Variants in BAG3 observed in about 807,000 individuals in gnomAD.
BAG3 encodes the protein BAG family molecular chaperone regulator 3.
In BAG3, 14 loss-of-function variants were observed where a neutral mutation model predicts 40.5. The ratio of observed to expected loss-of-function variants is 0.35; its 90% CI spans 0.23 to 0.54. BAG3 has a LOEUF of 0.54. BAG3 is among the 20% of genes least tolerant of loss of function. BAG3 has a pLI of 0.91. For synonymous variants in BAG3, 302 were observed against 307.8 expected, an observed-to-expected ratio of 0.98 and a Z score of 0.20; for missense variants, 788 against 758.6, an observed-to-expected ratio of 1.04 and a Z score of -0.46.
intron 3 of BAG3, among the ~76,000 whole-genome samples, chr10:119,675,148 A>G (rs1847202149): frequency 1.3e-5 from 2 of 152,236 alleles, no homozygotes; most frequent in Admixed American, 1.3e-4. Flanking sequence ...CCTGGGCAGC[A>G]TGGTGAAACC....
chr10:119,668,082 G>A (rs946721545), intron 1 of BAG3, among the ~76,000 whole-genome samples: 2 of 152,230 alleles, frequency 1.3e-5, no homozygotes, highest in African/African-American at 4.8e-5. Context: ...GCAGGCTAAT[G>A]TAATGCCGCC....
intron 1 of BAG3, among the ~76,000 whole-genome samples, chr10:119,656,381 T>C (rs927187229): frequency 1.3e-4 from 19 of 148,732 alleles, no homozygotes; most frequent in Admixed American, 8.7e-4. Context: ...TGGCCTTCTT[T>C]TTTTTTTTTT....
chr10:119,658,541 G>A (rs990120543), intron 1 of BAG3, among the ~76,000 whole-genome samples: 7 of 152,228 alleles, frequency 4.6e-5, no homozygotes, highest in African/African-American at 1.7e-4. Context: ...CCTCAGCCGA[G>A]CGTGGCTGGG....
rs1564776918 is a variant in BAG3 at position 119,677,006 on chromosome 10, C to T, written c.1452C>T (p.Val484=). 6.2e-7 allele frequency: 1 copy of T among 1,614,198 alleles called. No individual in the cohort carries two copies. Among genetic ancestry groups the T allele is most frequent in the Non-Finnish European group, 8.5e-7 (1 of 1,180,044 alleles). The stretch of plus-strand genomic sequence containing the variant: ...TGCGTCAGGCCAGGAGAGACGGTGT[C>T]AGGAAGGTTCAGACCATCTTGGAAA... ...ADVRQARRDG[V]RKVQTILEKL... is the part of the protein sequence containing the mutation. Residue 484 remains valine, a synonymous_variant, in exon 4 of 4, where the codon GTC becomes GTT. Transcript: ENST00000369085.
rs1847246196 is a variant in BAG3, at chr10:119,676,919, A to G, written c.1365A>G (p.Glu455=). 1.9e-6 allele frequency: 3 copies of G among 1,614,076 alleles called. No individual in the cohort carries two copies. Among genetic ancestry groups the G allele is most frequent in the Middle Eastern group, 1.6e-4 (1 of 6,084 alleles). The change falls in exon 4 of 4, where the codon GAA becomes GAG. Residue 455 remains glutamate (E), a synonymous_variant. Transcript: ENST00000369085. ...KKTDKKYLMI[E]EYLTKELLAL... is the part of the protein sequence containing the mutation. ...CTGACAAAAAGTACCTGATGATCGA[A>G]GAGTATTTGACCAAAGAGCTGCTGG...
In BAG3 at chr10:119,677,250, A is replaced by T. The variant is rs1589633145; in HGVS notation, c.1696A>T (p.Thr566Ser). The part of the protein sequence containing the change: ...AAATSNPSSM[T>S]DTPGNPAAP ...AGCGACTTCAAACCCCAGCAGCATG[A>T]CAGACACCCCTGGTAACCCAGCAGC... is the stretch of plus-strand genomic sequence containing the variant. Residue 566 changes from threonine (T) to serine (S), a missense_variant, in exon 4 of 4, where the codon ACA (threonine) becomes TCA (serine). Thr to Ser is a moderately conservative substitution (Grantham distance 58, BLOSUM62 1). Coordinates refer to ENST00000369085, the MANE Select transcript of BAG3 (RefSeq NM_004281.4). 2 of 1,614,112 alleles carry T rather than the reference A, an allele frequency of 1.2e-6. No individual in the cohort carries two copies. The highest frequency in any genetic ancestry group is 4.5e-5 in the East Asian group (2 of 44,888).
intron 1 of BAG3, among the ~76,000 whole-genome samples, chr10:119,668,138 A>G (rs1847092006): frequency 6.6e-6 from 1 of 152,208 alleles, no homozygotes; most frequent in East Asian, 1.9e-4. Flanking sequence ...CTGTCTGCCC[A>G]TGTCCCCAAG....
At chr10:119,667,267 G>A (rs372192513) in intron 1 of BAG3, among the ~76,000 whole-genome samples, 7 of 152,138 alleles carry the variant, frequency 4.6e-5, no homozygotes, top group Admixed American at 2.0e-4. Flanking sequence ...TTGAGCCACC[G>A]TGCCTGGCCC....
intron 1 of BAG3, among the ~76,000 whole-genome samples, chr10:119,667,551 G>A (rs1564772683): frequency 1.3e-5 from 2 of 152,168 alleles, no homozygotes; most frequent in Non-Finnish European, 1.5e-5. Flanking sequence ...CTAGGGCAGC[G>A]TCTACCCTGG....
chr10:119,669,791 G>A, intron 1 of BAG3, 60 bp from the exon 2 acceptor site: 1 of 1,523,218 alleles, frequency 6.6e-7, no homozygotes, highest in East Asian at 2.3e-5. Flanking sequence ...TGTTTCCTCT[G>A]CCAGGAGGGT....
At position 119,677,262 on chromosome 10, in the gene BAG3, G is replaced by C. The variant is rs1226040141; in HGVS notation, c.1708G>C (p.Gly570Arg). 3 of 1,613,912 alleles carry C rather than the reference G, an allele frequency of 1.9e-6. No homozygotes were observed. The highest frequency in any genetic ancestry group is 1.3e-5 in the African/African-American group (1 of 74,894). ...SNPSSMTDTPGNPAAP is the reference protein window; with the variant it reads ...SNPSSMTDTPRNPAAP Reference sequence around the variant, plus strand: ...CCCCAGCAGCATGACAGACACCCCTGGTAACCCAGCAGCACCGTAGCCTCT... The same window carrying C: ...CCCCAGCAGCATGACAGACACCCCTCGTAACCCAGCAGCACCGTAGCCTCT... The change falls in exon 4 of 4, where the codon GGT becomes CGT. Residue 570 changes from glycine (G) to arginine (R), a missense_variant. Physicochemically the swap from Gly to Arg is moderately radical, Grantham distance 125. Transcript: ENST00000369085.
chr10:119,671,634 C>A (rs1179674387), intron 2 of BAG3, among the ~76,000 whole-genome samples: 2 of 152,156 alleles, frequency 1.3e-5, no homozygotes, highest in African/African-American at 4.8e-5. Flanking sequence ...GGTGACTGAC[C>A]TCATCTTCAG....
At chr10:119,654,884 A>C (rs561140545) in intron 1 of BAG3, among the ~76,000 whole-genome samples, 1 of 152,204 alleles carries the variant, frequency 6.6e-6, no homozygotes, top group African/African-American at 2.4e-5. Context: ...CTCTAGCTCC[A>C]TGGATCTTGG....
At chr10:119,657,783 G>A (rs891026102) in intron 1 of BAG3, among the ~76,000 whole-genome samples, 3 of 152,274 alleles carry the variant, frequency 2.0e-5, no homozygotes, top group African/African-American at 7.2e-5. Flanking sequence ...CAGGGCTGGA[G>A]AGGCTGGGAG....
At position 119,663,102 on chromosome 10, in the gene BAG3, C is replaced by T. The variant is rs370094808; in HGVS notation, c.181-6749C>T. ...GCCCATTTTCGGGTTTCAGTGACCA[C>T]TCAGTGTGCAGGGAGTCAGTTGTGG... On this transcript the variant is annotated intron_variant, in intron 1 of 3. Transcript: ENST00000369085. 1.1e-4 allele frequency among the ~76,000 whole-genome samples: 17 copies of T among 152,310 alleles called. 2 individuals are homozygous for T. Among genetic ancestry groups the T allele is most frequent in the African/African-American group, 2.9e-4 (12 of 41,574 alleles).
intron 1 of BAG3, among the ~76,000 whole-genome samples, chr10:119,668,655 T>C (rs1847100271): frequency 6.6e-6 from 1 of 152,212 alleles, no homozygotes; most frequent in Non-Finnish European, 1.5e-5. Flanking sequence ...CTGTGGTACA[T>C]CTGGAACTTG....
Position 119,651,753 on chromosome 10 carries a change from G to A in BAG3, c.78G>A (p.Trp26Ter), listed in dbSNP as rs535344112. Reference sequence around the variant, plus strand: ...ACCGCGACCCTTTGCCCCCCGGATGGGAGATCAAGATCGACCCGCAGACCG... The same window carrying A: ...ACCGCGACCCTTTGCCCCCCGGATGAGAGATCAAGATCGACCCGCAGACCG... ...NGDRDPLPPG[W>*]EIKIDPQTGW... Residue 26 changes from tryptophan to a stop codon, truncating the protein, a stop_gained, in exon 1 of 4, where the codon TGG becomes TGA. Transcript: ENST00000369085. LOFTEE classifies it high-confidence loss of function. The A allele has an allele frequency of 6.3e-7, 1 of 1,599,878 alleles. No individual in the cohort carries two copies. The highest frequency in any genetic ancestry group is 1.4e-5 in the African/African-American group (1 of 73,770).
intron 2 of BAG3, 148 bp downstream of exon 2, chr10:119,670,325 C>CTGTCTCTGCTGGGTG: frequency 2.4e-6 from 2 of 828,198 alleles, no homozygotes; most frequent in Non-Finnish European, 3.7e-6. Flanking sequence ...AGAGGTCACC[C>CTGTCTCTGCTGGGTG]AGCAAAGACA....
chr10:119,655,537 A>T (rs187476468), intron 1 of BAG3, among the ~76,000 whole-genome samples: 1 of 152,322 alleles, frequency 6.6e-6, no homozygotes, highest in African/African-American at 2.4e-5. Flanking sequence ...TTTCTTAAAG[A>T]TGAGATCGTT....
Sources: allele counts gnomAD v4.1 joint callset (sites outside exome capture counted in the v4.1 genomes callset), GRCh38; gene constraint gnomAD v4.1.1; transcripts MANE v1.5; gene names NCBI Gene and HGNC (gene_info 2026-07-23, HGNC 2026-07-21).